PDE4D: variants seen among roughly 807,000 people sequenced by gnomAD.
The protein encoded by PDE4D is phosphodiesterase 4D, also known as 3',5'-cyclic-AMP phosphodiesterase 4D.
Under a neutral mutation model 87.4 loss-of-function variants are expected in PDE4D, and 24 were observed. The observed-to-expected ratio is 0.27, with a 90% CI of 0.20 to 0.39. The LOEUF is 0.39. Ranked by LOEUF, PDE4D falls within the 10% of genes least tolerant of loss-of-function variation. The probability of loss-of-function intolerance (pLI) is 1.00; values close to 1 mark genes in which losing one functional copy is unlikely to be tolerated. For synonymous variants in PDE4D, 384 were observed against 383.2 expected, an observed-to-expected ratio of 1.00 and a Z score of -0.02; for missense variants, 714 against 1,041.0, an observed-to-expected ratio of 0.69 and a Z score of 4.32.
chr5:60,234,113 A>G (rs1746136975), intron 1 of PDE4D, among the ~76,000 whole-genome samples: 1 of 151,806 alleles, frequency 6.6e-6, no homozygotes, highest in African/African-American at 2.4e-5. Flanking sequence ...CTCTTGTCCC[A>G]AACCTCCCAG....
intron 1 of PDE4D, among the ~76,000 whole-genome samples, chr5:60,457,822 G>A (rs1746592766): frequency 6.6e-6 from 1 of 152,164 alleles, no homozygotes; most frequent in African/African-American, 2.4e-5. Context: ...CCCTTTCTGC[G>A]AGAGCAAACA....
At chr5:59,161,260 G>T (rs2153465082) in intron 5 of PDE4D, among the ~76,000 whole-genome samples, 1 of 152,340 alleles carries the variant, frequency 6.6e-6, no homozygotes, top group African/African-American at 2.4e-5. Flanking sequence ...AGGTGGTCAG[G>T]CTACAGCTTG....
chr5:59,359,929 C>T, intron 1 of PDE4D, among the ~76,000 whole-genome samples: 1 of 152,108 alleles, frequency 6.6e-6, no homozygotes, highest in East Asian at 1.9e-4. Flanking sequence ...AATTGTTATC[C>T]ATGTAAGTCC....
intron 1 of PDE4D, among the ~76,000 whole-genome samples, chr5:60,295,684 C>G (rs990587523): frequency 6.6e-6 from 1 of 152,128 alleles, no homozygotes; most frequent in Admixed American, 6.5e-5. Flanking sequence ...AGTTGAGAAC[C>G]ACTGAGCTAA....
intron 1 of PDE4D, among the ~76,000 whole-genome samples, chr5:59,394,684 G>A (rs1788973199): frequency 6.6e-6 from 1 of 152,134 alleles, no homozygotes; most frequent in Non-Finnish European, 1.5e-5. Context: ...CAGTTCCAAG[G>A]ATTTAAAATC....
At chr5:60,165,220 A>G (rs1294717804) in intron 2 of PDE4D, among the ~76,000 whole-genome samples, 1 of 152,158 alleles carries the variant, frequency 6.6e-6, no homozygotes, top group Admixed American at 6.6e-5. Context: ...AGGTGATTCC[A>G]TATCTTGGCT....
rs949487599 is a variant in PDE4D, at chr5:59,056,290, A to G, written c.809-17319T>C. 3.9e-5 allele frequency among the ~76,000 whole-genome samples: 6 copies of G among 152,280 alleles called. No individual in the cohort carries two copies. In the East Asian group the frequency reaches 9.7e-4, roughly 25 times the overall value. ...TCCAAATTCTCTAAAGTGGAAGCCT[A>G]GGGGTGAGGGTAAGAAGGAGGTAGG... On this transcript the variant is annotated intron_variant, in intron 5 of 14. Coordinates refer to ENST00000340635, the MANE Select transcript of PDE4D (RefSeq NM_001104631.2).
At chr5:59,221,302 A>C (rs1752507579) in intron 1 of PDE4D, among the ~76,000 whole-genome samples, 1 of 152,144 alleles carries the variant, frequency 6.6e-6, no homozygotes, top group African/African-American at 2.4e-5. Context: ...TGATTAACTT[A>C]CAGGTGACGC....
At chr5:59,524,697 C>T (rs1239130563) in intron 1 of PDE4D, among the ~76,000 whole-genome samples, 1 of 152,192 alleles carries the variant, frequency 6.6e-6, no homozygotes, top group African/African-American at 2.4e-5. Flanking sequence ...TATTACAGGC[C>T]TGGAGGCCTA....
intron 3 of PDE4D, among the ~76,000 whole-genome samples, chr5:59,937,292 TAACA>T (rs1756706375): frequency 1.3e-5 from 2 of 152,196 alleles, no homozygotes; most frequent in Non-Finnish European, 2.9e-5. Context: ...ATATATACGC[TAACA>T]TATATGGACA....
chr5:59,066,248 C>T (rs1763906946), intron 5 of PDE4D, among the ~76,000 whole-genome samples: 1 of 152,108 alleles, frequency 6.6e-6, no homozygotes, highest in African/African-American at 2.4e-5. Context: ...GTGATAAGGG[C>T]TCCAAAAGCA....
intron 2 of PDE4D, among the ~76,000 whole-genome samples, chr5:60,071,543 C>CA (rs905343658): frequency 2.6e-5 from 4 of 152,002 alleles, no homozygotes; most frequent in Non-Finnish European, 5.9e-5. Flanking sequence ...GCCATCTGGG[C>CA]AAAAAATCTT....
At chr5:59,868,984 T>C (rs1271839741) in intron 1 of PDE4D, among the ~76,000 whole-genome samples, 1 of 152,204 alleles carries the variant, frequency 6.6e-6, no homozygotes, top group Non-Finnish European at 1.5e-5. Context: ...TAACAAAAGT[T>C]GTAATTAATG....
chr5:59,090,912 T>TTCGCC (rs1044658469), intron 5 of PDE4D, among the ~76,000 whole-genome samples: 2 of 150,784 alleles, frequency 1.3e-5, no homozygotes. Context: ...AATGGATGAA[T>TTCGCC]TCGCCTCTCT....
chr5:59,741,494 G>A (rs1758832046), intron 1 of PDE4D, among the ~76,000 whole-genome samples: 1 of 152,082 alleles, frequency 6.6e-6, no homozygotes, highest in Admixed American at 6.6e-5. Context: ...TGACATTTTG[G>A]TGTTTCAGGG....
chr5:60,470,917 T>C (rs761891502), intron 1 of PDE4D, among the ~76,000 whole-genome samples: 1 of 152,212 alleles, frequency 6.6e-6, no homozygotes, highest in Admixed American at 6.5e-5. Flanking sequence ...CTGCAGTTCA[T>C]AGATCAAGGA....
At chr5:59,750,945 C>CAA (rs34787047) in intron 1 of PDE4D, among the ~76,000 whole-genome samples, 2,515 of 68,176 alleles carry the variant, frequency 0.037, 90 homozygotes, top group African/African-American at 0.076. Context: ...GACCCTGTCT[C>CAA]AAAAAAAAAA....
intron 6 of PDE4D, among the ~76,000 whole-genome samples, chr5:58,995,293 A>G (rs1386623548): frequency 3.3e-5 from 5 of 152,164 alleles, no homozygotes; most frequent in African/African-American, 4.8e-5. Flanking sequence ...AATTTGTTAA[A>G]TTTCCTTTTA....
At chr5:60,245,951 A>G (rs1385767990) in intron 1 of PDE4D, among the ~76,000 whole-genome samples, 1 of 151,988 alleles carries the variant, frequency 6.6e-6, no homozygotes, top group East Asian at 1.9e-4. Context: ...TTGTAACACA[A>G]AAAATAAATG....
Sources: allele counts gnomAD v4.1 joint callset (sites outside exome capture counted in the v4.1 genomes callset), GRCh38; gene constraint gnomAD v4.1.1; transcripts MANE v1.5; gene names NCBI Gene and HGNC (gene_info 2026-07-23, HGNC 2026-07-21).